TENM4: variants seen among roughly 807,000 people sequenced by gnomAD.
TENM4 encodes the protein teneurin transmembrane protein 4.
TENM4 carries 82 observed loss-of-function variants against 243.3 expected under a neutral mutation model. The observed-to-expected ratio is 0.34, with a 90% CI of 0.28 to 0.40. The LOEUF is 0.40. Ranked by LOEUF, TENM4 falls within the 10% of genes least tolerant of loss-of-function variation. The probability of loss-of-function intolerance (pLI) is 1.00; values close to 1 mark genes in which losing one functional copy is unlikely to be tolerated. For missense variants in TENM4, 3,138 were observed against 3,673.3 expected (o/e 0.85, Z 3.77); for synonymous variants, 1,412 against 1,456.3 (o/e 0.97, Z 0.69).
intron 6 of TENM4, among the ~76,000 whole-genome samples, chr11:78,928,668 C>T (rs909814807): frequency 6.6e-6 from 1 of 152,190 alleles, no homozygotes; most frequent in Admixed American, 6.5e-5. Context: ...TTCAAAATCT[C>T]GTTTTTCTCA....
chr11:78,696,882 T>G (rs1227475417), intron 28 of TENM4, among the ~76,000 whole-genome samples: 1 of 152,164 alleles, frequency 6.6e-6, no homozygotes, highest in Non-Finnish European at 1.5e-5. Flanking sequence ...TCCATTTCTT[T>G]TCTTCCCTCA....
chr11:78,984,108 G>T (rs1481175929), intron 6 of TENM4, among the ~76,000 whole-genome samples: 1 of 152,102 alleles, frequency 6.6e-6, no homozygotes, highest in East Asian at 1.9e-4. Context: ...AGGGAAGCAG[G>T]CTAGAGACTC....
chr11:79,106,868 G>T (rs1235334698), intron 4 of TENM4, among the ~76,000 whole-genome samples: 2 of 152,190 alleles, frequency 1.3e-5, no homozygotes, highest in African/African-American at 2.4e-5. Context: ...GATTAGAGAT[G>T]AAGAACAGCA....
intron 27 of TENM4, among the ~76,000 whole-genome samples, chr11:78,704,480 A>C (rs1404941326): frequency 1.3e-5 from 2 of 152,094 alleles, no homozygotes; most frequent in African/African-American, 4.8e-5. Context: ...ATAATAGTAC[A>C]TTTAGTTTGC....
At chr11:79,419,961 A>G (rs1334250134) in intron 1 of TENM4, among the ~76,000 whole-genome samples, 31 of 152,132 alleles carry the variant, frequency 2.0e-4, no homozygotes, top group Admixed American at 2.0e-3. Context: ...GTGTATGTGC[A>G]TGTGTGTGTG....
At chr11:78,783,736 G>C (rs941175599) in intron 16 of TENM4, among the ~76,000 whole-genome samples, 2 of 152,222 alleles carry the variant, frequency 1.3e-5, no homozygotes, top group African/African-American at 4.8e-5. Flanking sequence ...GGATGCCACT[G>C]TCAAATTCCC....
Position 78,805,285 on chromosome 11 carries a change from C to CCCCCCCCCCCCCCCCCCCCCA in TENM4, c.2179+6_2179+7insTGGGGGGGGGGGGGGGGGGGG. On this transcript the variant is annotated splice_region_variant and intron_variant, in intron 15 of 33. Transcript: ENST00000278550. The stretch of plus-strand genomic sequence containing the variant: ...TCTACCCATGCTTCTTCTCCCCCTG[C>CCCCCCCCCCCCCCCCCCCCCA]ATTTACCGATAGAACAGTCGTGTCC... The CCCCCCCCCCCCCCCCCCCCCA allele has an allele frequency of 1.3e-6, 2 of 1,578,070 alleles. No homozygotes were observed. The highest frequency in any genetic ancestry group is 8.6e-7 in the Non-Finnish European group (1 of 1,160,314).
intron 6 of TENM4, among the ~76,000 whole-genome samples, chr11:78,933,223 A>G (rs6592812): frequency 0.064 from 9,720 of 152,136 alleles, 745 homozygotes; most frequent in African/African-American, 0.18. Flanking sequence ...CTCATTGGTA[A>G]GGAGGGGATA....
Position 78,862,974 on chromosome 11 carries a change from CT to C in TENM4, c.1242del (p.Gly415GlufsTer17). 1 of 1,469,254 alleles carries C rather than the reference CT, an allele frequency of 6.8e-7. No individual in the cohort carries two copies. Among genetic ancestry groups the C allele is most frequent in the Non-Finnish European group, 9.2e-7 (1 of 1,091,186 alleles). 91.0% of individuals were successfully genotyped at this position (1,469,254 alleles called of 1,614,324 possible). A position where few individuals can be genotyped will look rare whatever the true frequency, so the allele number is the denominator to read the frequency against. ...TGLETPDRKG[K>X]GTTEGKPSSF... Reference sequence around the variant, plus strand: ...GCAGCAACCCTACCTTCTGTGGTTCCTTTGCCTTTCCTGTCAGGGGTCTCTA... The same window carrying C: ...GCAGCAACCCTACCTTCTGTGGTTCCTTGCCTTTCCTGTCAGGGGTCTCTA... On this transcript the variant is annotated frameshift_variant, in exon 10 of 34. Transcript: ENST00000278550. LOFTEE classifies it high-confidence loss of function.
At chr11:79,137,681 T>C (rs1362105428) in intron 4 of TENM4, among the ~76,000 whole-genome samples, 1 of 152,146 alleles carries the variant, frequency 6.6e-6, no homozygotes, top group Admixed American at 6.6e-5. Context: ...ACTAAGAAAA[T>C]ACTTTCATTT....
At chr11:78,676,740 C>G (rs1475197516) in intron 29 of TENM4, among the ~76,000 whole-genome samples, 1 of 152,120 alleles carries the variant, frequency 6.6e-6, no homozygotes, top group Non-Finnish European at 1.5e-5. Context: ...TCTTAATGAC[C>G]ATACAATATT....
intron 4 of TENM4, among the ~76,000 whole-genome samples, chr11:79,123,597 C>A: frequency 8.8e-6 from 1 of 114,134 alleles, no homozygotes; most frequent in East Asian, 2.1e-4. Flanking sequence ...ACGCAGTAGC[C>A]CCTTTTTTTT....
At chr11:79,160,377 G>A (rs548581453) in intron 3 of TENM4, among the ~76,000 whole-genome samples, 1 of 152,166 alleles carries the variant, frequency 6.6e-6, no homozygotes, top group African/African-American at 2.4e-5. Flanking sequence ...TGCAGAATGG[G>A]CAAGGCATGC....
intron 7 of TENM4, 130 bp downstream of exon 7, chr11:78,903,138 C>CTT (rs1565118184): frequency 7.6e-7 from 1 of 1,311,032 alleles, no homozygotes; most frequent in Non-Finnish European, 9.9e-7. Context: ...ATCCCTAAAC[C>CTT]GTGCACCCAA....
In TENM4 at chr11:78,657,872, A is replaced by C; in HGVS notation, c.*186T>G. The C allele has an allele frequency of 3.4e-6, 3 of 886,358 alleles. No homozygotes were observed. The highest frequency in any genetic ancestry group is 5.4e-6 in the Non-Finnish European group (3 of 560,394). The allele number at this position is 886,358 out of a possible 1,614,324, so 54.9% of individuals were successfully genotyped here. ...AAAATACCTTCTGTTCTTTGCAAAAAATGTGCGAAGGCCAAATCTGTGTTT... is the reference window on the plus strand; with the variant it reads ...AAAATACCTTCTGTTCTTTGCAAAACATGTGCGAAGGCCAAATCTGTGTTT... On this transcript the variant is annotated 3_prime_UTR_variant, in exon 34 of 34. Transcript: ENST00000278550.
chr11:79,223,389 T>C (rs1288025504), intron 2 of TENM4, among the ~76,000 whole-genome samples: 3 of 152,124 alleles, frequency 2.0e-5, no homozygotes, highest in African/African-American at 7.2e-5. Context: ...TTCAAGCACA[T>C]CATCAAAAAT....
intron 1 of TENM4, among the ~76,000 whole-genome samples, chr11:79,437,781 C>T (rs1859307942): frequency 6.6e-6 from 1 of 152,198 alleles, no homozygotes; most frequent in Non-Finnish European, 1.5e-5. Context: ...CGACCTGATT[C>T]CCGCCCTGCC....
rs1168657375 is a variant in TENM4 at position 79,138,965 on chromosome 11, TATA to T, written c.-66+9742_-66+9744del. ...AATATATATTATATTTCCATAAATA[TATA>T]AAATATATATTATATTTCTATAAAT... On this transcript the variant is annotated intron_variant, in intron 4 of 33. Coordinates refer to ENST00000278550, the MANE Select transcript of TENM4 (RefSeq NM_001098816.3). Among the ~76,000 whole-genome samples the T allele has an allele frequency of 1.3e-4, 13 of 102,848 alleles. 1 individual carries two copies. Among genetic ancestry groups the T allele is most frequent in the Non-Finnish European group, 1.9e-4 (11 of 56,698 alleles). The allele number at this position is 102,848 out of a possible 152,430, so 67.5% of individuals were successfully genotyped here.
chr11:79,400,431 C>T (rs898589220), intron 1 of TENM4, among the ~76,000 whole-genome samples: 6 of 152,014 alleles, frequency 3.9e-5, no homozygotes, highest in Admixed American at 1.3e-4. Context: ...TTTGTGCCTT[C>T]GGGGCTAAAC....
Sources: allele counts gnomAD v4.1 joint callset (sites outside exome capture counted in the v4.1 genomes callset), GRCh38; gene constraint gnomAD v4.1.1; transcripts MANE v1.5; gene names NCBI Gene and HGNC (gene_info 2026-07-23, HGNC 2026-07-21).